ZNF521: variants seen among roughly 807,000 people sequenced by gnomAD.
The protein encoded by ZNF521 is LYST-interacting protein 3.
Under a neutral mutation model 105.5 loss-of-function variants are expected in ZNF521, and 14 were observed. The observed-to-expected ratio is 0.13, with a 90% CI of 0.09 to 0.21. ZNF521 has a LOEUF of 0.21. Among genes scored for constraint, ZNF521 ranks in the 10% least tolerant of loss-of-function variants. The probability of loss-of-function intolerance (pLI) is 1.00; values close to 1 mark genes in which losing one functional copy is unlikely to be tolerated. For synonymous variants in ZNF521, 635 were observed against 606.0 expected (o/e 1.05, Z -0.70); for missense variants, 1,233 against 1,629.7 (o/e 0.76, Z 4.19).
At chr18:25,193,324 T>C (rs67682362) in intron 5 of ZNF521, among the ~76,000 whole-genome samples, 44,345 of 151,874 alleles carry the variant, frequency 0.29, 7,067 homozygotes, top group East Asian at 0.41. Context: ...ATTAACATTG[T>C]GGTGAAAATA....
intron 2 of ZNF521, among the ~76,000 whole-genome samples, chr18:25,342,968 A>C (rs1282790749): frequency 6.6e-6 from 1 of 152,218 alleles, no homozygotes; most frequent in African/African-American, 2.4e-5. Context: ...TCTTGAAGTC[A>C]ATATAAAGTT....
intron 5 of ZNF521, among the ~76,000 whole-genome samples, chr18:25,092,351 T>C (rs1482545630): frequency 6.6e-6 from 1 of 152,208 alleles, no homozygotes; most frequent in Admixed American, 6.5e-5. Context: ...AATTGGTGTA[T>C]CAATAATGAG....
At chr18:25,177,707 G>T (rs2035558179) in intron 5 of ZNF521, among the ~76,000 whole-genome samples, 1 of 152,172 alleles carries the variant, frequency 6.6e-6, no homozygotes, top group Admixed American at 6.5e-5. Flanking sequence ...AATATCGTCT[G>T]TAATAAAAAC....
rs540796322 is a variant in ZNF521 at position 25,158,001 on chromosome 18, A to G, written c.3658+37159T>C. ...ACTCCTGACCTCAGGTGATTCACTC[A>G]CCTCGGCCTCCCAAAGTGCTGGGAT... On this transcript the variant is annotated intron_variant, in intron 5 of 7. Coordinates refer to ENST00000361524, the MANE Select transcript of ZNF521 (RefSeq NM_015461.3). 2.0e-5 allele frequency among the ~76,000 whole-genome samples: 3 copies of G among 152,030 alleles called. No individual in the cohort carries two copies. In the South Asian group the frequency reaches 6.3e-4, roughly 32 times the overall value.
chr18:25,252,177 C>G (rs559875127), intron 3 of ZNF521, among the ~76,000 whole-genome samples: 1 of 152,110 alleles, frequency 6.6e-6, no homozygotes, highest in African/African-American at 2.4e-5. Flanking sequence ...TACTGGACTC[C>G]TAAGGGCGGT....
intron 5 of ZNF521, among the ~76,000 whole-genome samples, chr18:25,106,362 G>A (rs2034073592): frequency 6.6e-6 from 1 of 151,744 alleles, no homozygotes; most frequent in Non-Finnish European, 1.5e-5. Flanking sequence ...AAATGATTGG[G>A]GTTAACAAAA....
chr18:25,296,434 G>A (rs1222371288), intron 3 of ZNF521, among the ~76,000 whole-genome samples: 1 of 152,148 alleles, frequency 6.6e-6, no homozygotes, highest in Non-Finnish European at 1.5e-5. Context: ...ACTTGCTATG[G>A]ATTTGGGATC....
chr18:25,324,616 A>G (rs143056446), intron 2 of ZNF521, among the ~76,000 whole-genome samples: 24 of 152,324 alleles, frequency 1.6e-4, no homozygotes, highest in African/African-American at 5.1e-4. Context: ...AAAAAAACTG[A>G]TAACACTCAG....
intron 4 of ZNF521, among the ~76,000 whole-genome samples, chr18:25,211,293 C>G (rs2036174020): frequency 6.6e-6 from 1 of 152,046 alleles, no homozygotes; most frequent in African/African-American, 2.4e-5. Flanking sequence ...TGATTATATA[C>G]TTAGGGTTCT....
At chr18:25,274,800 A>C (rs1293135887) in intron 3 of ZNF521, among the ~76,000 whole-genome samples, 1 of 152,188 alleles carries the variant, frequency 6.6e-6, no homozygotes, top group East Asian at 1.9e-4. Flanking sequence ...GAGAGTTGTC[A>C]TTTGAATATA....
At chr18:25,116,131 T>C (rs78221355) in intron 5 of ZNF521, among the ~76,000 whole-genome samples, 2,872 of 152,238 alleles carry the variant, frequency 0.019, 89 homozygotes, top group African/African-American at 0.066. Context: ...ACTGGAGCAC[T>C]GTAGAACTCA....
chr18:25,317,293 T>C (rs1203214084), intron 3 of ZNF521, among the ~76,000 whole-genome samples: 1 of 152,276 alleles, frequency 6.6e-6, no homozygotes, highest in Non-Finnish European at 1.5e-5. Context: ...ATCTTTGCCA[T>C]ACCATGTGTG....
intron 3 of ZNF521, among the ~76,000 whole-genome samples, chr18:25,277,764 G>T (rs1002523154): frequency 6.6e-6 from 1 of 152,150 alleles, no homozygotes; most frequent in Non-Finnish European, 1.5e-5. Flanking sequence ...CAATTATCTT[G>T]AATTAACAGT....
chr18:25,115,269 T>A (rs1428246320), intron 5 of ZNF521, among the ~76,000 whole-genome samples: 2 of 152,214 alleles, frequency 1.3e-5, no homozygotes, highest in Non-Finnish European at 2.9e-5. Context: ...CATCAACTTC[T>A]TTCCATGATT....
At chr18:25,337,281 A>G (rs1913945642) in intron 2 of ZNF521, among the ~76,000 whole-genome samples, 1 of 152,230 alleles carries the variant, frequency 6.6e-6, no homozygotes, top group African/African-American at 2.4e-5. Flanking sequence ...TCTATTAGTT[A>G]CAAGGGAAAG....
At chr18:25,244,737 C>T (rs1430638060) in intron 3 of ZNF521, among the ~76,000 whole-genome samples, 4 of 152,222 alleles carry the variant, frequency 2.6e-5, no homozygotes, top group Non-Finnish European at 5.9e-5. Flanking sequence ...AAGGTACTCT[C>T]CTCACAGATG....
chr18:25,346,584 T>G (rs2145224887), intron 2 of ZNF521, among the ~76,000 whole-genome samples: 1 of 152,290 alleles, frequency 6.6e-6, no homozygotes, highest in Non-Finnish European at 1.5e-5. Flanking sequence ...CAGACTAAGT[T>G]TTGCCACTCT....
chr18:25,122,126 A>C (rs1048505939), intron 5 of ZNF521, among the ~76,000 whole-genome samples: 1 of 152,262 alleles, frequency 6.6e-6, no homozygotes, highest in Non-Finnish European at 1.5e-5. Flanking sequence ...AGAGATAAAA[A>C]GATCCATATT....
chr18:25,326,126 A>G (rs921399699), intron 2 of ZNF521, among the ~76,000 whole-genome samples: 1 of 152,234 alleles, frequency 6.6e-6, no homozygotes, highest in Non-Finnish European at 1.5e-5. Flanking sequence ...TTTACTTTTT[A>G]TAACCTATAT....
Sources: gnomAD v4.1 joint callset for allele counts (sites outside exome capture counted in the v4.1 genomes callset) on GRCh38, gnomAD v4.1.1 for gene constraint, MANE v1.5 for transcripts, NCBI Gene and HGNC (gene_info 2026-07-23, HGNC 2026-07-21) for gene names.